MYO18A: variants seen among roughly 807,000 people sequenced by gnomAD.
The protein encoded by MYO18A is unconventional myosin-XVIIIa.
Under a neutral mutation model 235.8 loss-of-function variants are expected in MYO18A, and 78 were observed. The observed-to-expected ratio is 0.33, with a 90% CI of 0.28 to 0.40. The LOEUF is 0.40. Among genes scored for constraint, MYO18A ranks in the 10% least tolerant of loss-of-function variants. MYO18A has a pLI of 1.00. For missense variants in MYO18A, 2,215 were observed against 2,699.3 expected (o/e 0.82, Z 3.98); for synonymous variants, 977 against 1,077.8 (o/e 0.91, Z 1.83).
rs546921389 is a variant in MYO18A, at chr17:29,080,392, G to A, written c.6020+1924C>T. 610 of 986,144 alleles carry A rather than the reference G, an allele frequency of 6.2e-4. 3 individuals are homozygous for A. The African/African-American group carries it at 0.01, about 16-fold the overall frequency. 61.1% of individuals were successfully genotyped at this position (986,144 alleles called of 1,614,324 possible). On this transcript the variant is annotated intron_variant, in intron 41 of 41. Coordinates refer to ENST00000527372, the MANE Select transcript of MYO18A (RefSeq NM_078471.4). Reference sequence around the variant, plus strand: ...TGGCACCGACAGACTGCGGGCCAGCGACGGGTGGCTGTACTGCGAGCAGGC... The same window carrying A: ...TGGCACCGACAGACTGCGGGCCAGCAACGGGTGGCTGTACTGCGAGCAGGC...
Position 29,090,580 on chromosome 17 carries a change from T to C in MYO18A, c.5340A>G (p.Gln1780=), listed in dbSNP as rs1249427656. 1.2e-6 allele frequency: 2 copies of C among 1,601,294 alleles called. No homozygotes were observed. The highest frequency in any genetic ancestry group is 3.4e-5 in the Admixed American group (2 of 58,210). ...SRDLAQINDL[Q]AQLEEANKEK... is the part of the protein sequence containing the mutation. ...CTTTGTTGGCTTCTTCTAGCTGAGC[T>C]TGGAGATCATTTATCTGAGCCAGGT... Residue 1780 remains glutamine, a synonymous_variant, in exon 36 of 42, where the codon CAA becomes CAG. Transcript: ENST00000527372.
rs370977637 is a variant in MYO18A at position 29,090,945 on chromosome 17, A to G, written c.5188-19T>C. ...CCTCCAGCTGGAGAGAGGCAAAGAC[A>G]GATCAGAGGGCCTCAGGCCCAGTGT... is the stretch of plus-strand genomic sequence containing the variant. On this transcript the variant is annotated intron_variant, in intron 34 of 41. Transcript: ENST00000527372. 1.5e-4 allele frequency: 244 copies of G among 1,603,394 alleles called. No individual in the cohort carries two copies. The highest frequency in any genetic ancestry group is 2.0e-4 in the Admixed American group (12 of 59,818).
At chr17:29,079,636 G>A in intron 41 of MYO18A, 1 of 864,958 alleles carries the variant, frequency 1.2e-6, no homozygotes, top group Non-Finnish European at 1.4e-6. Context: ...AGTGCGGGTG[G>A]GCCCTAAGGT....
At chr17:29,165,830 A>G in intron 2 of MYO18A, 112 bp downstream of exon 2, 1 of 1,032,852 alleles carries the variant, frequency 9.7e-7, no homozygotes, top group Non-Finnish European at 1.4e-6. Flanking sequence ...TTCCCCACTT[A>G]CACACTGCTA....
At chr17:29,108,667 C>T (rs1171401258) in intron 19 of MYO18A, among the ~76,000 whole-genome samples, 1 of 152,178 alleles carries the variant, frequency 6.6e-6, no homozygotes, top group African/African-American at 2.4e-5. Flanking sequence ...GAGGCTGATG[C>T]ATGTGCCTGA....
intron 13 of MYO18A, 120 bp downstream of exon 13, chr17:29,115,231 C>T: frequency 1.4e-6 from 2 of 1,428,994 alleles, no homozygotes; most frequent in Non-Finnish European, 1.9e-6. Context: ...TTGCTCATAG[C>T]CCATGGGACA....
chr17:29,104,360 G>C (rs1326662699), intron 20 of MYO18A, among the ~76,000 whole-genome samples: 3 of 152,216 alleles, frequency 2.0e-5, no homozygotes, highest in Non-Finnish European at 4.4e-5. Flanking sequence ...TGCTGGATAC[G>C]GGGATAGGGT....
intron 27 of MYO18A, 70 bp downstream of exon 27, chr17:29,097,153 G>A: frequency 6.3e-7 from 1 of 1,582,486 alleles, no homozygotes; most frequent in Non-Finnish European, 8.6e-7. Context: ...AGAGTTCACT[G>A]GACCGACACA....
Position 29,111,445 on chromosome 17 carries a change from C to T in MYO18A, c.2879G>A (p.Arg960Gln), listed in dbSNP as rs555384674. The T allele has an allele frequency of 1.7e-5, 27 of 1,612,112 alleles. No individual in the cohort carries two copies. The highest frequency in any genetic ancestry group is 1.6e-4 in the Middle Eastern group (1 of 6,076). ...KQNPATQNAP[R>Q]LLQDSQKKII... ...TTACTTCTGGGAGTCCTGCAGGAGC[C>T]GGGGGGCATTCTGGGTGGCTGGGTT... The change falls in exon 17 of 42, where the codon CGG (arginine) becomes CAG (glutamine). Residue 960 changes from arginine (R) to glutamine (Q), a missense_variant. By Grantham distance (43) the Arg-to-Gln change is conservative. Coordinates refer to ENST00000527372, the MANE Select transcript of MYO18A (RefSeq NM_078471.4). This position sits in a 1 kb window ranked among gnomAD's most constrained non-coding sequence, Gnocchi z 5.1.
intron 2 of MYO18A, among the ~76,000 whole-genome samples, chr17:29,133,068 C>T (rs539095): frequency 6.6e-6 from 1 of 152,248 alleles, no homozygotes; most frequent in Non-Finnish European, 1.5e-5. Context: ...CAAGTCCACT[C>T]TGTGTTCTTC....
chr17:29,174,562 C>A (rs192556406), intron 1 of MYO18A, among the ~76,000 whole-genome samples: 115 of 152,150 alleles, frequency 7.6e-4, no homozygotes, highest in African/African-American at 2.5e-3. Context: ...CAACTGTAAT[C>A]CCAACATTTT....
chr17:29,080,766 G>A (rs941890237), intron 41 of MYO18A: 9 of 985,416 alleles, frequency 9.1e-6, no homozygotes, highest in Admixed American at 1.2e-4. Context: ...GGACGGAGCC[G>A]CACTCCTCCG....
In MYO18A at chr17:29,072,258, G is replaced by A. The variant is rs1019362720; in HGVS notation, c.*2512C>T. On this transcript the variant is annotated 3_prime_UTR_variant, in exon 42 of 42. Transcript: ENST00000527372. ...AAAGTAACTTAGGCCAGGCACAGTG[G>A]CTCATGCCTATAATCCTAGCACTTT... 6 of 143,762 alleles carry A rather than the reference G, an allele frequency of 4.2e-5. No homozygotes were observed. Among genetic ancestry groups the A allele is most frequent in the Non-Finnish European group, 7.4e-5 (5 of 67,166 alleles). The allele number at this position is 143,762 out of a possible 1,614,324, so 8.9% of individuals were successfully genotyped here.
chr17:29,107,350 G>T (rs1363174560), intron 19 of MYO18A, 161 bp from the exon 20 acceptor site: 7 of 650,954 alleles, frequency 1.1e-5, no homozygotes, highest in Non-Finnish European at 1.4e-5. Context: ...AGGAGAGGGG[G>T]TAGGCAGGGA....
chr17:29,114,021 T>C lies in MYO18A; in HGVS notation c.2588A>G (p.His863Arg), dbSNP rs1178203930. 10 of 1,597,600 alleles carry C rather than the reference T, an allele frequency of 6.3e-6. No homozygotes were observed. The highest frequency in any genetic ancestry group is 1.3e-5 in the African/African-American group (1 of 74,478). ...DSVAAVDQASHQSLVRSLART... is the reference protein window; with the variant it reads ...DSVAAVDQASRQSLVRSLART... ...CTCTGGAGCTCCTACCAGGGACTGA[T>C]GGGAGGCCTGGTCCACAGCAGCCAC... The change falls in exon 15 of 42, where the codon CAT becomes CGT. Residue 863 changes from histidine (H) to arginine (R), a missense_variant. Coordinates refer to ENST00000527372, the MANE Select transcript of MYO18A (RefSeq NM_078471.4).
At position 29,117,650 on chromosome 17, in the gene MYO18A, G is replaced by A. The variant is rs1056683016; in HGVS notation, c.2038+395C>T. On this transcript the variant is annotated intron_variant, in intron 10 of 41. Coordinates refer to ENST00000527372, the MANE Select transcript of MYO18A (RefSeq NM_078471.4). This position sits in a 1 kb window ranked among gnomAD's most constrained non-coding sequence, Gnocchi z 4.6. ...CTGGGCAAGCACCAAGACAGGGCACGGCGGCCCCTATACCCAAGGGCGGGG... is the reference window on the plus strand; with the variant it reads ...CTGGGCAAGCACCAAGACAGGGCACAGCGGCCCCTATACCCAAGGGCGGGG... Among the ~76,000 whole-genome samples the A allele has an allele frequency of 4.6e-5, 7 of 152,182 alleles. No homozygotes were observed. The highest frequency in any genetic ancestry group is 8.8e-5 in the Non-Finnish European group (6 of 68,034).
chr17:29,153,705 A>G (rs762958706), intron 2 of MYO18A, among the ~76,000 whole-genome samples: 1 of 152,142 alleles, frequency 6.6e-6, no homozygotes, highest in Non-Finnish European at 1.5e-5. Context: ...TCCTCCCCAG[A>G]TGAGCTGAAA....
intron 2 of MYO18A, chr17:29,128,265 C>CG (rs1957462341): frequency 7.7e-6 from 9 of 1,175,122 alleles, no homozygotes; most frequent in Non-Finnish European, 9.6e-6. Flanking sequence ...GTCGGGTGCT[C>CG]GGGGGACTTG....
At chr17:29,114,188 C>T in intron 14 of MYO18A, 91 bp from the exon 15 acceptor site, 1 of 906,620 alleles carries the variant, frequency 1.1e-6, no homozygotes, top group South Asian at 1.4e-5. Context: ...CTGAGATCAG[C>T]AAGGCCAACC....
Sources: gnomAD v4.1 joint callset for allele counts (sites outside exome capture counted in the v4.1 genomes callset) on GRCh38, gnomAD v4.1.1 for gene constraint, Gnocchi (gnomAD v3.1) non-coding constraint, MANE v1.5 for transcripts, NCBI Gene and HGNC (gene_info 2026-07-23, HGNC 2026-07-21) for gene names.